The following PTAFR variants were observed in gnomAD, a reference collection of about 807,000 sequenced individuals.
PTAFR encodes the protein platelet activating factor receptor.
Under a neutral mutation model 14.7 loss-of-function variants are expected in PTAFR, and 8 were observed. The observed-to-expected ratio is 0.54, with a 90% CI of 0.32 to 0.98. The LOEUF (loss-of-function observed/expected upper bound fraction) is 0.98. PTAFR is among the 50% of genes least tolerant of loss of function. The probability of loss-of-function intolerance (pLI) is 0.04; values close to 1 mark genes in which losing one functional copy is unlikely to be tolerated. For missense variants in PTAFR, 337 were observed against 451.2 expected (o/e 0.75, Z 2.29); for synonymous variants, 156 against 176.5 (o/e 0.88, Z 0.92).
chr1:28,191,253 G>C (rs1341727215), intron 1 of PTAFR, among the ~76,000 whole-genome samples: 1 of 152,242 alleles, frequency 6.6e-6, no homozygotes, highest in Non-Finnish European at 1.5e-5. Flanking sequence ...TCAAAGGCAG[G>C]GAGGTCCCTA....
chr1:28,159,176 T>C (rs1572033401), intron 1 of PTAFR, among the ~76,000 whole-genome samples: 1 of 151,952 alleles, frequency 6.6e-6, no homozygotes, highest in East Asian at 1.9e-4. Context: ...TGAGGACATA[T>C]CCCATCTGGG....
intron 1 of PTAFR, among the ~76,000 whole-genome samples, chr1:28,191,445 C>T (rs1255301944): frequency 3.9e-5 from 6 of 152,198 alleles, no homozygotes; most frequent in African/African-American, 1.4e-4. Flanking sequence ...TTAAAAGAAA[C>T]GTCTCCAGCC....
intron 1 of PTAFR, among the ~76,000 whole-genome samples, chr1:28,175,400 G>A (rs1646501940): frequency 1.3e-5 from 2 of 152,080 alleles, no homozygotes; most frequent in South Asian, 2.1e-4. Context: ...AGATAGTGGT[G>A]TCTCTTTTGC....
chr1:28,151,284 A>G (rs1646184496), intron 1 of PTAFR, among the ~76,000 whole-genome samples: 1 of 151,550 alleles, frequency 6.6e-6, no homozygotes. Context: ...GGTTCAAGCG[A>G]TTCTCCTGCC....
At chr1:28,162,443 T>C (rs759190192) in intron 1 of PTAFR, among the ~76,000 whole-genome samples, 2 of 152,160 alleles carry the variant, frequency 1.3e-5, no homozygotes, top group Non-Finnish European at 2.9e-5. Flanking sequence ...GGACTCAAAC[T>C]GTGGTCCTTG....
chr1:28,167,773 G>C (rs1030081205), intron 1 of PTAFR, among the ~76,000 whole-genome samples: 7 of 149,668 alleles, frequency 4.7e-5, no homozygotes, highest in African/African-American at 1.7e-4. Flanking sequence ...CTAGTAGCTG[G>C]GACTACAGGC....
At chr1:28,192,644 T>TG (rs1553166791) in intron 1 of PTAFR, among the ~76,000 whole-genome samples, 8 of 151,658 alleles carry the variant, frequency 5.3e-5, no homozygotes, top group Admixed American at 1.3e-4. Flanking sequence ...TGGGTTTTTT[T>TG]TTTGTTTGTT....
chr1:28,178,552 C>T (rs1352281465), upstream of PTAFR, among the ~76,000 whole-genome samples: 1 of 152,050 alleles, frequency 6.6e-6, no homozygotes, highest in Non-Finnish European at 1.5e-5. Flanking sequence ...TGACCCACCG[C>T]GCCTGGCCAG....
At chr1:28,161,173 C>T (rs1428313453) in intron 1 of PTAFR, among the ~76,000 whole-genome samples, 3 of 152,160 alleles carry the variant, frequency 2.0e-5, no homozygotes, top group Non-Finnish European at 2.9e-5. Flanking sequence ...CCCAGCTCCA[C>T]CCGCGGTCTG....
chr1:28,157,052 A>T lies in PTAFR; in HGVS notation c.-38-5993T>A, dbSNP rs144635152. On this transcript the variant is annotated intron_variant, in intron 1 of 1. Coordinates refer to ENST00000373857, the MANE Select transcript of PTAFR (RefSeq NM_000952.5). The stretch of plus-strand genomic sequence containing the variant: ...TTGAGAAAGCCTTTCCGCCAGGGCC[A>T]GGACTAGAGTGAAACATGTGAGGCA... 2.8e-3 allele frequency among the ~76,000 whole-genome samples: 434 copies of T among 152,322 alleles called. 3 individuals carry two copies. Among genetic ancestry groups the T allele is most frequent in the African/African-American group, 9.8e-3 (406 of 41,552 alleles).
At chr1:28,183,271 A>G (rs1210465612) in intron 1 of PTAFR, among the ~76,000 whole-genome samples, 1 of 152,220 alleles carries the variant, frequency 6.6e-6, no homozygotes, top group African/African-American at 2.4e-5. Flanking sequence ...GGGCTCCAAC[A>G]ACAATGAAGA....
chr1:28,162,632 C>T (rs1264057819), intron 1 of PTAFR, among the ~76,000 whole-genome samples: 1 of 151,878 alleles, frequency 6.6e-6, no homozygotes, highest in African/African-American at 2.4e-5. Context: ...TCGAGACCAG[C>T]CTGACCAACA....
intron 1 of PTAFR, among the ~76,000 whole-genome samples, chr1:28,168,234 G>A (rs529443586): frequency 1.3e-5 from 2 of 151,222 alleles, no homozygotes; most frequent in South Asian, 2.1e-4. Context: ...GCCACCCAAA[G>A]TGCTGGGATT....
intron 1 of PTAFR, among the ~76,000 whole-genome samples, chr1:28,193,537 T>C (rs1022432936): frequency 2.0e-5 from 3 of 151,912 alleles, no homozygotes; most frequent in African/African-American, 4.8e-5. Context: ...GGTGAGAGGA[T>C]TGTGCTGTGT....
At chr1:28,186,281 G>A (rs537198042) in intron 1 of PTAFR, among the ~76,000 whole-genome samples, 14 of 151,750 alleles carry the variant, frequency 9.2e-5, no homozygotes, top group Non-Finnish European at 1.6e-4. Context: ...CACTGTGCCC[G>A]GCCCCAAAAT....
intron 1 of PTAFR, among the ~76,000 whole-genome samples, chr1:28,170,722 C>A (rs1251365752): frequency 6.8e-6 from 1 of 146,860 alleles, no homozygotes; most frequent in Non-Finnish European, 1.5e-5. Context: ...AAATAAGGGC[C>A]CGGCGCGGTG....
chr1:28,185,391 G>C (rs1392479045), intron 1 of PTAFR, among the ~76,000 whole-genome samples: 1 of 152,132 alleles, frequency 6.6e-6, no homozygotes, highest in Non-Finnish European at 1.5e-5. Flanking sequence ...TATTATAAAG[G>C]GGTTGTTCAG....
intron 1 of PTAFR, among the ~76,000 whole-genome samples, chr1:28,186,942 A>G (rs1646612168): frequency 1.3e-5 from 2 of 152,032 alleles, no homozygotes; most frequent in Non-Finnish European, 2.9e-5. Context: ...CAATCAATCA[A>G]TCAAGACAGA....
chr1:28,151,084 G>T, intron 1 of PTAFR, 25 bp from the exon 2 acceptor site: 1 of 1,352,550 alleles, frequency 7.4e-7, no homozygotes, highest in African/African-American at 1.5e-5. Flanking sequence ...AAAAATTCTG[G>T]TTAATAAAGG....
Sources: gnomAD v4.1 joint callset for allele counts (sites outside exome capture counted in the v4.1 genomes callset) on GRCh38, gnomAD v4.1.1 for gene constraint, MANE v1.5 for transcripts, NCBI Gene and HGNC (gene_info 2026-07-23, HGNC 2026-07-21) for gene names.